PSMA1: variants seen among roughly 807,000 people sequenced by gnomAD.
PSMA1 encodes proteasome subunit alpha type-1.
Under a neutral mutation model 38.4 loss-of-function variants are expected in PSMA1, and 3 were observed. That is an observed-to-expected ratio of 0.08 (90% CI 0.04 to 0.20). PSMA1 has a LOEUF of 0.20. Ranked by LOEUF, PSMA1 falls within the 10% of genes least tolerant of loss-of-function variation. The pLI is 1.00. For missense variants in PSMA1, 227 were observed against 325.3 expected (o/e 0.70, Z 2.32); for synonymous variants, 101 against 107.1 (o/e 0.94, Z 0.35).
chr11:14,592,639 C>A (rs1201901591), intron 2 of PSMA1, among the ~76,000 whole-genome samples: 1 of 152,208 alleles, frequency 6.6e-6, no homozygotes, highest in African/African-American at 2.4e-5. Flanking sequence ...CCCGCCTGGG[C>A]CTCCCAAAGT....
upstream of PSMA1, among the ~76,000 whole-genome samples, chr11:14,520,928 C>G (rs1286553305): frequency 1.3e-5 from 2 of 152,214 alleles, no homozygotes; most frequent in East Asian, 3.8e-4. Flanking sequence ...GAGATGTTAT[C>G]TTTCAAGGGT....
intron 2 of PSMA1, among the ~76,000 whole-genome samples, chr11:14,545,250 T>C (rs1851813610): frequency 6.6e-6 from 1 of 152,216 alleles, no homozygotes; most frequent in African/African-American, 2.4e-5. Context: ...GTTATCAAAA[T>C]ATTAAAAACA....
intron 2 of PSMA1, among the ~76,000 whole-genome samples, chr11:14,586,403 G>T (rs1156586158): frequency 6.6e-6 from 1 of 151,942 alleles, no homozygotes; most frequent in African/African-American, 2.4e-5. Context: ...TTGTACTCCA[G>T]CCTGGGCGAC....
At chr11:14,520,456 C>A (rs1221464739), upstream of PSMA1, 3 of 1,558,036 alleles carry the variant, frequency 1.9e-6, no homozygotes, top group Non-Finnish European at 2.6e-6. Context: ...GATAGGCTTG[C>A]AACACTTCCC....
intron 1 of PSMA1, among the ~76,000 whole-genome samples, chr11:14,616,863 C>T (rs1852780011): frequency 6.6e-6 from 1 of 152,170 alleles, no homozygotes; most frequent in Admixed American, 6.5e-5. Context: ...AGAGTCTATG[C>T]ACCTAACCAC....
intron 1 of PSMA1, among the ~76,000 whole-genome samples, chr11:14,632,513 G>T (rs1320957774): frequency 4.8e-5 from 7 of 147,202 alleles, no homozygotes; most frequent in African/African-American, 1.8e-4. Flanking sequence ...CTTCTGGCTT[G>T]TAGGGTTTCT....
intron 2 of PSMA1, among the ~76,000 whole-genome samples, chr11:14,572,025 A>T (rs994012306): frequency 6.6e-6 from 1 of 152,230 alleles, no homozygotes; most frequent in African/African-American, 2.4e-5. Flanking sequence ...AAGTCCTTAG[A>T]GACCTACAAA....
chr11:14,530,227 T>C (rs2134158777), intron 2 of PSMA1, among the ~76,000 whole-genome samples: 1 of 152,252 alleles, frequency 6.6e-6, no homozygotes, highest in South Asian at 2.1e-4. Flanking sequence ...GAAAAAGCAA[T>C]GTCCACTCAC....
At chr11:14,605,211 CTGT>C (rs941218670) in intron 2 of PSMA1, among the ~76,000 whole-genome samples, 5 of 152,070 alleles carry the variant, frequency 3.3e-5, no homozygotes, top group Admixed American at 2.6e-4. Context: ...TTGCCAACAG[CTGT>C]TGTTTTTTGA....
chr11:14,610,711 A>G, intron 2 of PSMA1: 1 of 478,704 alleles, frequency 2.1e-6, no homozygotes, highest in Non-Finnish European at 3.7e-6. Flanking sequence ...TGATTTTATG[A>G]TAATTCACCT....
chr11:14,633,071 C>T (rs1165810831), intron 1 of PSMA1, among the ~76,000 whole-genome samples: 1 of 151,716 alleles, frequency 6.6e-6, no homozygotes, highest in Admixed American at 6.6e-5. Context: ...ACTTCTTTGC[C>T]TTTGGTTTGA....
chr11:14,540,559 T>C (rs1189887839), intron 2 of PSMA1, among the ~76,000 whole-genome samples: 1 of 152,124 alleles, frequency 6.6e-6, no homozygotes, highest in Non-Finnish European at 1.5e-5. Context: ...ACCTGATGGA[T>C]TGCAATTGGG....
intron 8 of PSMA1, among the ~76,000 whole-genome samples, chr11:14,508,717 T>C (rs1363835480): frequency 6.6e-6 from 1 of 152,120 alleles, no homozygotes; most frequent in African/African-American, 2.4e-5. Context: ...TCCAAAAAGC[T>C]ATCTGCAATT....
intron 2 of PSMA1, among the ~76,000 whole-genome samples, chr11:14,594,506 C>A (rs1044699306): frequency 6.6e-6 from 1 of 152,132 alleles, no homozygotes; most frequent in African/African-American, 2.4e-5. Flanking sequence ...CTCCTTTAAC[C>A]CAATATTCAG....
chr11:14,640,021 T>G (rs963725540), intron 1 of PSMA1, among the ~76,000 whole-genome samples: 7 of 152,200 alleles, frequency 4.6e-5, no homozygotes, highest in Admixed American at 3.9e-4. Flanking sequence ...TTCACCATTA[T>G]ATCTTTGTCA....
chr11:14,611,049 T>C, exon 2 of PSMA1: 4 of 1,556,174 alleles, frequency 2.6e-6, no homozygotes, highest in Non-Finnish European at 3.5e-6. Flanking sequence ...ATTTGACTTG[T>C]CATTGTCTTT....
chr11:14,519,212 C>T (rs1201292306), intron 1 of PSMA1, 171 bp from the exon 2 acceptor site: 1 of 680,420 alleles, frequency 1.5e-6, no homozygotes, highest in East Asian at 3.0e-5. Context: ...TCTACATTTA[C>T]CATAAACTCG....
At chr11:14,516,890 C>A (rs562579660) in intron 4 of PSMA1, among the ~76,000 whole-genome samples, 1 of 152,266 alleles carries the variant, frequency 6.6e-6, no homozygotes, top group South Asian at 2.1e-4. Flanking sequence ...CACACCACTG[C>A]ACTCCAGCCT....
intron 2 of PSMA1, among the ~76,000 whole-genome samples, chr11:14,540,211 A>G (rs1322913172): frequency 4.6e-5 from 7 of 152,156 alleles, no homozygotes; most frequent in Non-Finnish European, 8.8e-5. Context: ...ACAAATGCAC[A>G]AAGTTGCCTT....
Sources: gnomAD v4.1 joint callset for allele counts (sites outside exome capture counted in the v4.1 genomes callset) on GRCh38, gnomAD v4.1.1 for gene constraint, MANE v1.5 for transcripts, NCBI Gene and HGNC (gene_info 2026-07-23, HGNC 2026-07-21) for gene names.